Variants in CEP97 observed in about 807,000 individuals in gnomAD.
The protein encoded by CEP97 is centrosomal protein 97, also known as centrosomal protein of 97 kDa.
A neutral mutation model predicts 73.1 loss-of-function variants in CEP97; 43 were observed. The observed-to-expected ratio is 0.59, with a 90% CI of 0.46 to 0.76. The LOEUF (loss-of-function observed/expected upper bound fraction) is 0.76, where lower values mean the gene tolerates loss of function less well. Ranked by LOEUF, CEP97 falls within the 30% of genes least tolerant of loss-of-function variation. The pLI is 0.00. For missense variants in CEP97, 939 were observed against 1,014.0 expected, an observed-to-expected ratio of 0.93 and a Z score of 1.00; for synonymous variants, 337 against 370.0, an observed-to-expected ratio of 0.91 and a Z score of 1.02.
chr3:101,724,702 C>G lies in CEP97; in HGVS notation c.26C>G (p.Ala9Gly), dbSNP rs1325718177. 1 of 1,614,214 alleles carries G rather than the reference C, an allele frequency of 6.2e-7. No individual in the cohort carries two copies. The highest frequency in any genetic ancestry group is 2.2e-5 in the East Asian group (1 of 44,884). The change falls in exon 1 of 11, where the codon GCT becomes GGT. Residue 9 changes from alanine to glycine, a missense_variant. Transcript: ENST00000341893. MAVARVDA[A>G]LPPGEGSVVN... ...ATGGCGGTGGCGCGCGTGGACGCGG[C>G]TTTGCCTCCCGGAGAAGGTAAGGCG... is the stretch of plus-strand genomic sequence containing the variant.
rs771402282 is a variant in CEP97, at chr3:101,757,962, G to A, written c.1356G>A (p.Glu452=). ...GLESQVLDKE[E]EQPLWAANEN... ...AAAGCCAGGTGTTGGATAAGGAAGA[G>A]GAACAGCCTTTATGGGCTGCAAATG... The change falls in exon 9 of 11, where the codon GAG becomes GAA. Residue 452 remains glutamate (E), a synonymous_variant. Coordinates refer to ENST00000341893, the MANE Select transcript of CEP97 (RefSeq NM_024548.4). 4 of 1,614,200 alleles carry A rather than the reference G, an allele frequency of 2.5e-6. No homozygotes were observed. The highest frequency in any genetic ancestry group is 1.6e-4 in the Middle Eastern group (1 of 6,062).
chr3:101,736,704 A>T (rs974266374), intron 6 of CEP97, among the ~76,000 whole-genome samples: 2 of 152,354 alleles, frequency 1.3e-5, no homozygotes, highest in Non-Finnish European at 2.9e-5. Flanking sequence ...CACCAACATC[A>T]AAGACCAATA....
At chr3:101,740,089 A>G (rs1938402608) in intron 6 of CEP97, among the ~76,000 whole-genome samples, 1 of 152,020 alleles carries the variant, frequency 6.6e-6, no homozygotes, top group Non-Finnish European at 1.5e-5. Flanking sequence ...CTCTCTTACC[A>G]CTCCTATTCA....
Position 101,757,730 on chromosome 3 carries a change from C to G in CEP97, c.1124C>G (p.Thr375Arg), listed in dbSNP as rs773873294. 6.2e-7 allele frequency: 1 copy of G among 1,614,160 alleles called. No homozygotes were observed. The highest frequency in any genetic ancestry group is 1.7e-5 in the Admixed American group (1 of 60,022). Residue 375 changes from threonine to arginine, a missense_variant, in exon 9 of 11, where the codon ACG (threonine) becomes AGG (arginine). Transcript: ENST00000341893. ...AATTTTCCAGCCTCTGTACACACTA[C>G]GAGATATTCTCGAAATGATCTGCAC... Reference protein sequence around the residue: ...KNNFPASVHTTRYSRNDLHLE... With the variant: ...KNNFPASVHTRRYSRNDLHLE...
At position 101,758,344 on chromosome 3, in the gene CEP97, C is replaced by G; in HGVS notation, c.1738C>G (p.Gln580Glu). ...ATTTTATGCCAGGAACTACAACCCTCAAGCCAAAGATGTGCGTTACGAAAT... is the reference window on the plus strand; with the variant it reads ...ATTTTATGCCAGGAACTACAACCCTGAAGCCAAAGATGTGCGTTACGAAAT... ...RGFYARNYNPQAKDVRYEIRL... is the reference protein window; with the variant it reads ...RGFYARNYNPEAKDVRYEIRL... The change falls in exon 9 of 11, where the codon CAA becomes GAA. Residue 580 changes from glutamine to glutamate, a missense_variant. Coordinates refer to ENST00000341893, the MANE Select transcript of CEP97 (RefSeq NM_024548.4). The G allele has an allele frequency of 3.1e-6, 5 of 1,614,174 alleles. No individual in the cohort carries two copies. Among genetic ancestry groups the G allele is most frequent in the Non-Finnish European group, 4.2e-6 (5 of 1,180,034 alleles).
At position 101,752,603 on chromosome 3, in the gene CEP97, T is replaced by A. The variant is rs566964562; in HGVS notation, c.729-2827T>A. Among the ~76,000 whole-genome samples, 6 of 152,332 alleles carry A rather than the reference T, an allele frequency of 3.9e-5. No individual in the cohort carries two copies. The South Asian group carries it at 1.2e-3, about 32-fold the overall frequency. ...AGGCTTTGTTCGTTTCTTTTTATTCTTTTTTCTGTAAACTTCCCTTCTCGC... is the reference window on the plus strand; with the variant it reads ...AGGCTTTGTTCGTTTCTTTTTATTCATTTTTCTGTAAACTTCCCTTCTCGC... On this transcript the variant is annotated intron_variant, in intron 6 of 10. Transcript: ENST00000341893.
intron 6 of CEP97, among the ~76,000 whole-genome samples, chr3:101,741,041 A>AACCAAAACAGTGTAGTACTGGT (rs1938437168): frequency 1.3e-5 from 2 of 150,686 alleles, no homozygotes; most frequent in Admixed American, 6.6e-5. Flanking sequence ...AGGCTACAGT[A>AACCAAAACAGTGTAGTACTGGT]ACCAAAACAG....
At chr3:101,745,885 C>G (rs887569559) in intron 6 of CEP97, among the ~76,000 whole-genome samples, 5 of 152,086 alleles carry the variant, frequency 3.3e-5, no homozygotes, top group African/African-American at 9.7e-5. Context: ...AGGTATATCT[C>G]CCAATGCTAT....
In CEP97 at chr3:101,767,398, A is replaced by C. The variant is rs1939346624; in HGVS notation, c.*1847A>C. ...TTGAATGTCTTCTTAAATATACCCT[A>C]TTTTTCTATTTTAAAGTTAAGTGCC... is the stretch of plus-strand genomic sequence containing the variant. On this transcript the variant is annotated 3_prime_UTR_variant, in exon 11 of 11. Transcript: ENST00000341893. 1 of 152,088 alleles carries C rather than the reference A, an allele frequency of 6.6e-6. No homozygotes were observed. 9.4% of individuals were successfully genotyped at this position (152,088 alleles called of 1,614,324 possible).
At chr3:101,733,647 C>T (rs1200654130) in intron 6 of CEP97, among the ~76,000 whole-genome samples, 2 of 151,096 alleles carry the variant, frequency 1.3e-5, no homozygotes, top group African/African-American at 4.8e-5. Flanking sequence ...TCTCCTGCCT[C>T]AGCCTCCCGA....
At chr3:101,759,779 G>A (rs1939118803) in intron 9 of CEP97, among the ~76,000 whole-genome samples, 1 of 152,138 alleles carries the variant, frequency 6.6e-6, no homozygotes, top group Non-Finnish European at 1.5e-5. Context: ...CTTCAGTGGT[G>A]TAGAGGGATG....
chr3:101,729,048 T>C, intron 4 of CEP97, 111 bp downstream of exon 4: 1 of 665,036 alleles, frequency 1.5e-6, no homozygotes, highest in Non-Finnish European at 2.7e-6. Context: ...GCTTTCTTTA[T>C]GATAAGAATT....
At chr3:101,755,045 A>G (rs1938964985) in intron 6 of CEP97, among the ~76,000 whole-genome samples, 1 of 151,732 alleles carries the variant, frequency 6.6e-6, no homozygotes, top group African/African-American at 2.4e-5. Flanking sequence ...ACATGCCACC[A>G]TGCCCGGCTA....
At position 101,727,955 on chromosome 3, in the gene CEP97, T is replaced by C. The variant is rs933021125; in HGVS notation, c.345+414T>C. Among the ~76,000 whole-genome samples the C allele has an allele frequency of 2.0e-5, 3 of 152,234 alleles. No individual in the cohort carries two copies. In the South Asian group the frequency reaches 6.2e-4, roughly 31 times the overall value. ...TATTTCTGCGTCTTATTTTTTGGCA[T>C]GCTAGCTGAGAGGACTAGATTACCA... On this transcript the variant is annotated intron_variant, in intron 3 of 10. Transcript: ENST00000341893.
At chr3:101,755,098 C>T (rs572610087) in intron 6 of CEP97, among the ~76,000 whole-genome samples, 1 of 151,748 alleles carries the variant, frequency 6.6e-6, no homozygotes, top group South Asian at 2.1e-4. Flanking sequence ...CTAATGGATT[C>T]AAATGCAGTT....
In CEP97 at chr3:101,731,837, A is replaced by G. The variant is rs199611157; in HGVS notation, c.448-3A>G. ...TGTAATTCATACTGTTTTTACTTTC[A>G]AGACCCTGCTTTTACATGGAAACAT... On this transcript the variant is annotated splice_region_variant and splice_polypyrimidine_tract_variant and intron_variant, in intron 4 of 10. Coordinates refer to ENST00000341893, the MANE Select transcript of CEP97 (RefSeq NM_024548.4). 16 of 1,557,252 alleles carry G rather than the reference A, an allele frequency of 1.0e-5. No individual in the cohort carries two copies. The East Asian group carries it at 3.4e-4, about 33-fold the overall frequency.
In CEP97 at chr3:101,726,504, T is replaced by C. The variant is rs905505080; in HGVS notation, c.44-90T>C. On this transcript the variant is annotated intron_variant, in intron 1 of 10. Coordinates refer to ENST00000341893, the MANE Select transcript of CEP97 (RefSeq NM_024548.4). ...TCTACTGTTCTTTAACTTGAAATGG[T>C]ATAGAGATTTTATAATTCCAGCCCT... 5.6e-6 allele frequency: 5 copies of C among 899,068 alleles called. No homozygotes were observed. The South Asian group carries it at 1.1e-4, about 20-fold the overall frequency. 55.7% of individuals were successfully genotyped at this position (899,068 alleles called of 1,614,324 possible).
rs1217959956 is a variant in CEP97, at chr3:101,728,926, G to A, written c.436G>A (p.Val146Ile). ...ISQIGDLSKL[V>I]SLKTLLLHGN... Reference sequence around the variant, plus strand: ...CCAGATAGGTGATCTATCTAAATTGGTATCCCTGAAAGTAAGTATGTTTTC... The same window carrying A: ...CCAGATAGGTGATCTATCTAAATTGATATCCCTGAAAGTAAGTATGTTTTC... Residue 146 changes from valine (V) to isoleucine (I), a missense_variant, in exon 4 of 11, where the codon GTA becomes ATA. Physicochemically the swap from Val to Ile is conservative, Grantham distance 29. Coordinates refer to ENST00000341893, the MANE Select transcript of CEP97 (RefSeq NM_024548.4). 3 of 1,519,162 alleles carry A rather than the reference G, an allele frequency of 2.0e-6. No homozygotes were observed. The highest frequency in any genetic ancestry group is 2.7e-6 in the Non-Finnish European group (3 of 1,095,478). 94.1% of individuals were successfully genotyped at this position (1,519,162 alleles called of 1,614,324 possible). A position where few individuals can be genotyped will look rare whatever the true frequency, so the allele number is the denominator to read the frequency against.
Position 101,769,415 on chromosome 3 carries a change from C to T in CEP97, c.*3864C>T, listed in dbSNP as rs138081815. 1 of 150,560 alleles carries T rather than the reference C, an allele frequency of 6.6e-6. No homozygotes were observed. Among genetic ancestry groups the T allele is most frequent in the African/African-American group, 2.4e-5 (1 of 40,860 alleles). The allele number at this position is 150,560 out of a possible 1,614,324, so 9.3% of individuals were successfully genotyped here. A position where few individuals can be genotyped will look rare whatever the true frequency, so the allele number is the denominator to read the frequency against. On this transcript the variant is annotated 3_prime_UTR_variant, in exon 11 of 11. Transcript: ENST00000341893. ...GCAACCTCCACTTCCTGGGTACAAG[C>T]GATTCTCCTGCCTCAGCTTCCTGTG...
Sources: gnomAD v4.1 joint callset for allele counts (sites outside exome capture counted in the v4.1 genomes callset) on GRCh38, gnomAD v4.1.1 for gene constraint, MANE v1.5 for transcripts, NCBI Gene and HGNC (gene_info 2026-07-23, HGNC 2026-07-21) for gene names.